The following ZDHHC14 variants were observed in gnomAD, a reference collection of about 807,000 sequenced individuals.
The protein encoded by ZDHHC14 is palmitoyltransferase ZDHHC14.
Under a neutral mutation model 47.7 loss-of-function variants are expected in ZDHHC14, and 16 were observed. The ratio of observed to expected loss-of-function variants is 0.34; its 90% CI spans 0.23 to 0.51. The LOEUF (loss-of-function observed/expected upper bound fraction) is 0.51. Among genes scored for constraint, ZDHHC14 ranks in the 20% least tolerant of loss-of-function variants. The probability of loss-of-function intolerance (pLI) is 0.97; values close to 1 mark genes in which losing one functional copy is unlikely to be tolerated. For missense variants in ZDHHC14, 515 were observed against 662.5 expected (o/e 0.78, Z 2.44); for synonymous variants, 293 against 278.9 (o/e 1.05, Z -0.50).
intron 2 of ZDHHC14, among the ~76,000 whole-genome samples, chr6:157,580,496 C>T (rs959694972): frequency 3.3e-5 from 5 of 152,032 alleles, no homozygotes; most frequent in Admixed American, 2.0e-4. Context: ...TGGTAGAATT[C>T]GGCTGTGAAT....
intron 3 of ZDHHC14, among the ~76,000 whole-genome samples, chr6:157,623,653 G>A (rs1026186369): frequency 1.3e-4 from 19 of 151,162 alleles, no homozygotes; most frequent in African/African-American, 3.9e-4. Flanking sequence ...GGGTTCAAGC[G>A]GTTCTCCTGC....
chr6:157,425,210 C>T (rs1051303521), intron 1 of ZDHHC14, among the ~76,000 whole-genome samples: 3 of 152,004 alleles, frequency 2.0e-5, no homozygotes, highest in Non-Finnish European at 1.5e-5. Context: ...TTAATTTCAC[C>T]CTCTTGCTTC....
At chr6:157,572,198 A>G (rs150816719) in intron 2 of ZDHHC14, among the ~76,000 whole-genome samples, 6,292 of 152,146 alleles carry the variant, frequency 0.041, 153 homozygotes, top group Non-Finnish European at 0.056. Context: ...GCTGTCCTGC[A>G]CATTGTAGGA....
Position 157,656,615 on chromosome 6 carries a change from C to T in ZDHHC14, c.1068+2988C>T, listed in dbSNP as rs544969527. On this transcript the variant is annotated intron_variant, in intron 8 of 8. Coordinates refer to ENST00000359775, the MANE Select transcript of ZDHHC14 (RefSeq NM_024630.3). The stretch of plus-strand genomic sequence containing the variant: ...CCTCCCAAAGTGATAGGATTACAGG[C>T]ATGAGTCACCGCGCCCAGCCTGGAA... 2.7e-4 allele frequency among the ~76,000 whole-genome samples: 40 copies of T among 150,334 alleles called. 1 individual carries two copies. The highest frequency in any genetic ancestry group is 8.1e-4 in the African/African-American group (33 of 40,952).
intron 1 of ZDHHC14, among the ~76,000 whole-genome samples, chr6:157,497,235 C>T (rs1050415740): frequency 1.3e-5 from 2 of 152,256 alleles, no homozygotes; most frequent in South Asian, 4.1e-4. Context: ...ATTTTAAGAA[C>T]AATTGTGGGT....
chr6:157,459,704 G>A (rs866205245), intron 1 of ZDHHC14, among the ~76,000 whole-genome samples: 3 of 152,128 alleles, frequency 2.0e-5, no homozygotes, highest in Non-Finnish European at 2.9e-5. Flanking sequence ...AGGGGTAGAT[G>A]GGGGGACAGC....
At chr6:157,571,683 C>T (rs1231206131) in intron 2 of ZDHHC14, among the ~76,000 whole-genome samples, 1 of 151,992 alleles carries the variant, frequency 6.6e-6, no homozygotes, top group Non-Finnish European at 1.5e-5. Context: ...GTGTACAAAC[C>T]TGTCTCTCTC....
At chr6:157,641,519 C>T (rs1271317505) in intron 5 of ZDHHC14, among the ~76,000 whole-genome samples, 1 of 152,150 alleles carries the variant, frequency 6.6e-6, no homozygotes, top group African/African-American at 2.4e-5. Flanking sequence ...TATGCCAGTA[C>T]ATGTCCATGT....
At position 157,541,457 on chromosome 6, in the gene ZDHHC14, A is replaced by G. The variant is rs994240412; in HGVS notation, c.246-1128A>G. ...AGACCAAGAGCCCTGTCTGCTTCCT[A>G]GTCTTGAGCAGAGCTGAGCTTCCCA... On this transcript the variant is annotated intron_variant, in intron 1 of 8. Coordinates refer to ENST00000359775, the MANE Select transcript of ZDHHC14 (RefSeq NM_024630.3). Among the ~76,000 whole-genome samples, 10 of 152,204 alleles carry G rather than the reference A, an allele frequency of 6.6e-5. 1 individual carries two copies. The South Asian group carries it at 2.1e-3, about 32-fold the overall frequency.
At position 157,562,667 on chromosome 6, in the gene ZDHHC14, C is replaced by G. The variant is rs143229305; in HGVS notation, c.406+19922C>G. Among the ~76,000 whole-genome samples the G allele has an allele frequency of 2.4e-3, 359 of 152,338 alleles. 3 individuals are homozygous for G. Among genetic ancestry groups the G allele is most frequent in the African/African-American group, 8.4e-3 (350 of 41,564 alleles). On this transcript the variant is annotated intron_variant, in intron 2 of 8. Coordinates refer to ENST00000359775, the MANE Select transcript of ZDHHC14 (RefSeq NM_024630.3). ...GGCAGGTTCCAGGCCCAGTCCTGAG[C>G]TCACCACCCAGAGTCTGTTGGAGAC...
intron 8 of ZDHHC14, among the ~76,000 whole-genome samples, chr6:157,671,969 A>G (rs778169671): frequency 4.9e-4 from 74 of 152,244 alleles, no homozygotes; most frequent in South Asian, 1.5e-3. Flanking sequence ...TTCATCTTCC[A>G]TGGCTGGAAC....
intron 3 of ZDHHC14, among the ~76,000 whole-genome samples, chr6:157,617,189 G>A (rs529490157): frequency 4.9e-4 from 75 of 152,280 alleles, no homozygotes; most frequent in African/African-American, 1.7e-3. Flanking sequence ...TACCAGATGA[G>A]ATATTATGTG....
chr6:157,444,910 A>G (rs1346691190), intron 1 of ZDHHC14, among the ~76,000 whole-genome samples: 1 of 152,066 alleles, frequency 6.6e-6, no homozygotes, highest in Non-Finnish European at 1.5e-5. Context: ...AGGAGCATCA[A>G]TGTACTGATC....
At chr6:157,516,866 C>T (rs898141277) in intron 1 of ZDHHC14, among the ~76,000 whole-genome samples, 2 of 152,194 alleles carry the variant, frequency 1.3e-5, no homozygotes, top group Non-Finnish European at 2.9e-5. Flanking sequence ...CCAGATGAAA[C>T]CTGTTCCCAT....
At chr6:157,498,518 A>T (rs556556871) in intron 1 of ZDHHC14, among the ~76,000 whole-genome samples, 1 of 152,324 alleles carries the variant, frequency 6.6e-6, no homozygotes, top group African/African-American at 2.4e-5. Context: ...AGGCAAGTCC[A>T]AATCAGTGAC....
chr6:157,514,556 C>T (rs993162222), intron 1 of ZDHHC14, among the ~76,000 whole-genome samples: 6 of 152,228 alleles, frequency 3.9e-5, no homozygotes, highest in African/African-American at 1.4e-4. Flanking sequence ...CTGGAATCCC[C>T]AATCTAGTAC....
intron 1 of ZDHHC14, among the ~76,000 whole-genome samples, chr6:157,484,150 G>A (rs1009507513): frequency 4.0e-5 from 6 of 151,568 alleles, no homozygotes; most frequent in Non-Finnish European, 7.4e-5. Flanking sequence ...TTGAGGGTAG[G>A]GGGTGCGGGG....
At chr6:157,412,052 C>T (rs143430245) in intron 1 of ZDHHC14, among the ~76,000 whole-genome samples, 3,287 of 151,138 alleles carry the variant, frequency 0.022, 131 homozygotes, top group African/African-American at 0.076. Context: ...AATTCTCCTG[C>T]CTCAGCCTCC....
intron 1 of ZDHHC14, among the ~76,000 whole-genome samples, chr6:157,534,333 A>C (rs1011875793): frequency 6.6e-6 from 1 of 152,186 alleles, no homozygotes; most frequent in African/African-American, 2.4e-5. Context: ...TACTTTGGCC[A>C]ATTAGCTCAG....
Sources: gnomAD v4.1 joint callset for allele counts (sites outside exome capture counted in the v4.1 genomes callset) on GRCh38, gnomAD v4.1.1 for gene constraint, MANE v1.5 for transcripts, NCBI Gene and HGNC (gene_info 2026-07-23, HGNC 2026-07-21) for gene names.